The following BCAM variants were observed in gnomAD, a reference collection of about 807,000 sequenced individuals.
BCAM encodes basal cell adhesion molecule (Lutheran blood group).
BCAM carries 61 observed loss-of-function variants against 72.4 expected under a neutral mutation model. The observed-to-expected ratio is 0.84, with a 90% CI of 0.69 to 1.04. BCAM has a LOEUF of 1.04. Among genes scored for constraint, BCAM ranks in the 50% least tolerant of loss-of-function variants. The pLI is 0.00. For missense variants in BCAM, 909 were observed against 895.0 expected (o/e 1.02, Z -0.20); for synonymous variants, 408 against 384.2 (o/e 1.06, Z -0.73).
intron 8 of BCAM, among the ~76,000 whole-genome samples, chr19:44,816,826 C>G (rs1294286435): frequency 3.3e-5 from 5 of 152,112 alleles, no homozygotes; most frequent in Admixed American, 2.6e-4. Flanking sequence ...GTAATCCCAG[C>G]TACCCAGGAG....
chr19:44,815,459 CAGATGG>C (rs28399620), intron 8 of BCAM, among the ~76,000 whole-genome samples: 6,411 of 152,152 alleles, frequency 0.042, 318 homozygotes, highest in East Asian at 0.13. Context: ...GTAGGGGAGA[CAGATGG>C]TAAATGCTAA....
At position 44,812,073 on chromosome 19, in the gene BCAM, G is replaced by T. The variant is rs983009698; in HGVS notation, c.205-90G>T. The T allele has an allele frequency of 4.6e-6, 6 of 1,290,996 alleles. No homozygotes were observed. Among genetic ancestry groups the T allele is most frequent in the Non-Finnish European group, 5.3e-6 (5 of 940,322 alleles). The allele number at this position is 1,290,996 out of a possible 1,614,324, so 80.0% of individuals were successfully genotyped here. ...CCATAACAAGAGGAAAAGAGGCAGA[G>T]CCAGGAGCTGCAGAGAGAAAGGACC... is the stretch of plus-strand genomic sequence containing the variant. On this transcript the variant is annotated intron_variant, in intron 2 of 14. Coordinates refer to ENST00000270233, the MANE Select transcript of BCAM (RefSeq NM_005581.5). The surrounding 1 kb of genome is among the most constrained non-coding windows in gnomAD (Gnocchi z 5.3).
In BCAM at chr19:44,812,943, C is replaced by A. The variant is rs575179057; in HGVS notation, c.505-307C>A. On this transcript the variant is annotated intron_variant, in intron 4 of 14. Coordinates refer to ENST00000270233, the MANE Select transcript of BCAM (RefSeq NM_005581.5). The surrounding 1 kb of genome is among the most constrained non-coding windows in gnomAD (Gnocchi z 5.3). ...CCAGCCTGGGCCACAGAGCAATACT[C>A]CGTCTCAAAAAAAAAAAAAAAAAGA... 6 of 406,676 alleles carry A rather than the reference C, an allele frequency of 1.5e-5. No individual in the cohort carries two copies. The highest frequency in any genetic ancestry group is 3.4e-5 in the South Asian group (1 of 29,220). The allele number at this position is 406,676 out of a possible 1,614,324, so 25.2% of individuals were successfully genotyped here.
chr19:44,819,732 T>C lies in BCAM; in HGVS notation c.1763+6T>C, dbSNP rs1317670099. On this transcript the variant is annotated splice_donor_region_variant and intron_variant, in intron 13 of 14. Coordinates refer to ENST00000270233, the MANE Select transcript of BCAM (RefSeq NM_005581.5). Reference sequence around the variant, plus strand: ...CGGCGGGAGAAGGGGGCTCCGTGAGTGGCCTGCTATCTGCAATGACCACCA... The same window carrying C: ...CGGCGGGAGAAGGGGGCTCCGTGAGCGGCCTGCTATCTGCAATGACCACCA... 9.4e-6 allele frequency: 15 copies of C among 1,592,266 alleles called. No homozygotes were observed. The highest frequency in any genetic ancestry group is 1.3e-5 in the Non-Finnish European group (15 of 1,171,748).
At chr19:44,817,627 C>T (rs910845727) in intron 8 of BCAM, among the ~76,000 whole-genome samples, 1 of 151,936 alleles carries the variant, frequency 6.6e-6, no homozygotes, top group Non-Finnish European at 1.5e-5. Flanking sequence ...TCACTGCAAC[C>T]TCCACCTCCC....
intron 11 of BCAM, 55 bp downstream of exon 11, chr19:44,819,247 C>A (rs1474434624): frequency 1.2e-6 from 2 of 1,610,974 alleles, no homozygotes; most frequent in Non-Finnish European, 1.7e-6. Context: ...AAGTATCACA[C>A]CCTCCTTTCC....
intron 1 of BCAM, among the ~76,000 whole-genome samples, chr19:44,809,710 C>G (rs1425113582): frequency 6.6e-6 from 1 of 152,150 alleles, no homozygotes; most frequent in Non-Finnish European, 1.5e-5. Context: ...TTTCCAGAGT[C>G]CAGTATAAAG....
At position 44,813,115 on chromosome 19, in the gene BCAM, T is replaced by C. The variant is rs2927475; in HGVS notation, c.505-135T>C. 0.99 allele frequency: 946,134 copies of C among 955,412 alleles called. 468,497 individuals carry two copies. The highest frequency in any genetic ancestry group is 1 in the East Asian group (38,803 of 38,804). The allele number at this position is 955,412 out of a possible 1,614,324, so 59.2% of individuals were successfully genotyped here. A position where few individuals can be genotyped will look rare whatever the true frequency, so the allele number is the denominator to read the frequency against. ...TAGTCTGAGTCGGGGACTAGGAATT[T>C]GGACTCCTGGGTCCTGGGAGAGTCG... On this transcript the variant is annotated intron_variant, in intron 4 of 14. Transcript: ENST00000270233. The surrounding 1 kb of genome is among the most constrained non-coding windows in gnomAD (Gnocchi z 4.2).
Position 44,813,296 on chromosome 19 carries a change from C to T in BCAM, c.551C>T (p.Thr184Met), listed in dbSNP as rs200634102. 8.2e-5 allele frequency: 132 copies of T among 1,614,130 alleles called. 2 individuals carry two copies. Among genetic ancestry groups the T allele is most frequent in the Middle Eastern group, 1.7e-4 (1 of 6,060 alleles). The change falls in exon 5 of 15, where the codon ACG (threonine) becomes ATG (methionine). Residue 184 changes from threonine to methionine, a missense_variant. By Grantham distance (81) the Thr-to-Met change is moderately conservative. Coordinates refer to ENST00000270233, the MANE Select transcript of BCAM (RefSeq NM_005581.5). This position sits in a 1 kb window ranked among gnomAD's most constrained non-coding sequence, Gnocchi z 4.2. The stretch of plus-strand genomic sequence containing the variant: ...AACGGGAACCCGGCCCCCAAGATCA[C>T]GTGGTATCGCAACGGGCAGCGCCTG... ...SRNGNPAPKI[T>M]WYRNGQRLEV...
At position 44,814,711 on chromosome 19, in the gene BCAM, C is replaced by T. The variant is rs142102840; in HGVS notation, c.1029C>T (p.Asp343=). 9.9e-5 allele frequency: 160 copies of T among 1,613,754 alleles called. No homozygotes were observed. Among genetic ancestry groups the T allele is most frequent in the Non-Finnish European group, 1.2e-4 (138 of 1,180,012 alleles). The change falls in exon 8 of 15, where the codon GAC becomes GAT. Residue 343 remains aspartate, a synonymous_variant. Coordinates refer to ENST00000270233, the MANE Select transcript of BCAM (RefSeq NM_005581.5). This position sits in a 1 kb window ranked among gnomAD's most constrained non-coding sequence, Gnocchi z 4.6. ...GTYGCRVEDY[D]AADDVQLSKT... ...ATGGCTGCAGAGTGGAGGATTACGA[C>T]GCGGCAGATGACGTGCAGCTCTCCA...
intron 8 of BCAM, among the ~76,000 whole-genome samples, chr19:44,817,209 C>A (rs575799436): frequency 6.6e-6 from 1 of 152,214 alleles, no homozygotes; most frequent in South Asian, 2.1e-4. Context: ...TGCACTCTAG[C>A]CTGGGCGACA....
chr19:44,813,446 A>T lies in BCAM; in HGVS notation c.610A>T (p.Met204Leu). Residue 204 changes from methionine (M) to leucine (L), a missense_variant, in exon 6 of 15, where the codon ATG becomes TTG. Transcript: ENST00000270233. This position sits in a 1 kb window ranked among gnomAD's most constrained non-coding sequence, Gnocchi z 4.2. ...VPVEMNPEGY[M>L]TSRTVREASG... ...CCCCCGATCTCTCCCAGAGGGCTAC[A>T]TGACCAGCCGCACGGTCCGGGAGGC... The T allele has an allele frequency of 6.2e-7, 1 of 1,610,918 alleles. No homozygotes were observed. Among genetic ancestry groups the T allele is most frequent in the Non-Finnish European group, 8.5e-7 (1 of 1,179,260 alleles).
chr19:44,811,258 C>A lies in BCAM; in HGVS notation c.116C>A (p.Pro39Gln). 1 of 1,612,846 alleles carries A rather than the reference C, an allele frequency of 6.2e-7. No homozygotes were observed. The highest frequency in any genetic ancestry group is 8.5e-7 in the Non-Finnish European group (1 of 1,179,926). ...AQAEVRLSVP[P>Q]LVEVMRGKSV... ...GCGGAGGTGCGCTTGTCTGTACCCCCGCTGGTGGAGGTGATGCGAGGAAAG... is the reference window on the plus strand; with the variant it reads ...GCGGAGGTGCGCTTGTCTGTACCCCAGCTGGTGGAGGTGATGCGAGGAAAG... The change falls in exon 2 of 15, where the codon CCG becomes CAG. Residue 39 changes from proline to glutamine, a missense_variant. Transcript: ENST00000270233.
Position 44,814,553 on chromosome 19 carries a change from C to G in BCAM, c.922-51C>G, listed in dbSNP as rs771197024. ...GGTGGCTTCTGACCTAGCATGAGCC[C>G]GCTGAACCGGGGTGGCTTCTGAGCC... On this transcript the variant is annotated intron_variant, in intron 7 of 14. Coordinates refer to ENST00000270233, the MANE Select transcript of BCAM (RefSeq NM_005581.5). The surrounding 1 kb of genome is among the most constrained non-coding windows in gnomAD (Gnocchi z 4.6). 5.7e-6 allele frequency: 9 copies of G among 1,589,426 alleles called. No individual in the cohort carries two copies. The highest frequency in any genetic ancestry group is 7.7e-6 in the Non-Finnish European group (9 of 1,165,060).
chr19:44,809,070 A>C (rs1181822287), upstream of BCAM: 17 of 1,270,760 alleles, frequency 1.3e-5, no homozygotes, highest in South Asian at 3.1e-4. Flanking sequence ...TCTGGCTCCC[A>C]GCCCCGCAGC....
Position 44,812,951 on chromosome 19 carries a change from A to G in BCAM, c.505-299A>G. On this transcript the variant is annotated intron_variant, in intron 4 of 14. Coordinates refer to ENST00000270233, the MANE Select transcript of BCAM (RefSeq NM_005581.5). This position sits in a 1 kb window ranked among gnomAD's most constrained non-coding sequence, Gnocchi z 5.3. ...GGCCACAGAGCAATACTCCGTCTCA[A>G]AAAAAAAAAAAAAAAGAAGAAGAAA... 1 of 192,242 alleles carries G rather than the reference A, an allele frequency of 5.2e-6. No individual in the cohort carries two copies. The allele number at this position is 192,242 out of a possible 1,614,324, so 11.9% of individuals were successfully genotyped here. A position where few individuals can be genotyped will look rare whatever the true frequency, so the allele number is the denominator to read the frequency against.
At chr19:44,815,307 A>C (rs2927446) in intron 8 of BCAM, among the ~76,000 whole-genome samples, 6,532 of 152,060 alleles carry the variant, frequency 0.043, 228 homozygotes, top group African/African-American at 0.092. Flanking sequence ...TCTAAGAATG[A>C]TTTTCAGTTC....
chr19:44,811,283 GTC>G lies in BCAM; in HGVS notation c.143_144del (p.Ser48CysfsTer34). On this transcript the variant is annotated frameshift_variant, in exon 2 of 15. Transcript: ENST00000270233. LOFTEE classifies it high-confidence loss of function. ...PPLVEVMRGKSVILDCTPTGT... is the reference protein window; with the variant it reads ...PPLVEVMRGKXVILDCTPTGT... Reference sequence around the variant, plus strand: ...CGCTGGTGGAGGTGATGCGAGGAAAGTCTGTCATTCTGGACTGCACCCCTACG... The same window carrying G: ...CGCTGGTGGAGGTGATGCGAGGAAAGTGTCATTCTGGACTGCACCCCTACG... 6.2e-7 allele frequency: 1 copy of G among 1,613,534 alleles called. No homozygotes were observed. Among genetic ancestry groups the G allele is most frequent in the Non-Finnish European group, 8.5e-7 (1 of 1,179,942 alleles).
chr19:44,821,307 T>TC lies in BCAM; in HGVS notation c.*394dup, dbSNP rs1305933662. The TC allele has an allele frequency of 0.014, 2,707 of 194,966 alleles. 28 individuals carry two copies. The highest frequency in any genetic ancestry group is 0.039 in the Middle Eastern group (21 of 538). The allele number at this position is 194,966 out of a possible 1,614,324, so 12.1% of individuals were successfully genotyped here. On this transcript the variant is annotated 3_prime_UTR_variant, in exon 15 of 15. Coordinates refer to ENST00000270233, the MANE Select transcript of BCAM (RefSeq NM_005581.5). Reference sequence around the variant, plus strand: ...CTTGCTGCAGAGTCTGACACTGGATTCCCCCCCCTCACCCCGCCCCTGGTC... The same window carrying TC: ...CTTGCTGCAGAGTCTGACACTGGATTCCCCCCCCCTCACCCCGCCCCTGGTC...
Sources: allele counts gnomAD v4.1 joint callset (sites outside exome capture counted in the v4.1 genomes callset), GRCh38; gene constraint gnomAD v4.1.1; non-coding constraint Gnocchi (gnomAD v3.1); transcripts MANE v1.5; gene names NCBI Gene and HGNC (gene_info 2026-07-23, HGNC 2026-07-21).